Variants in SMAP1 observed in about 807,000 individuals in gnomAD.
The protein encoded by SMAP1 is small ArfGAP 1, also known as stromal membrane-associated protein 1.
A neutral mutation model predicts 58.5 loss-of-function variants in SMAP1; 24 were observed. The observed-to-expected ratio is 0.41, with a 90% CI of 0.30 to 0.58. The LOEUF is 0.58. Ranked by LOEUF, SMAP1 falls within the 20% of genes least tolerant of loss-of-function variation. SMAP1 has a pLI of 0.29. For synonymous variants in SMAP1, 216 were observed against 196.6 expected, an observed-to-expected ratio of 1.10 and a Z score of -0.82; for missense variants, 563 against 566.3, an observed-to-expected ratio of 0.99 and a Z score of 0.06.
intron 2 of SMAP1, chr6:70,734,363 C>T (rs768356030): frequency 6.5e-6 from 1 of 152,776 alleles, no homozygotes; most frequent in Admixed American, 6.5e-5. Flanking sequence ...CCAGGCTGGT[C>T]TCGAACTCCT....
rs1390518506 is a variant in SMAP1 at position 70,835,494 on chromosome 6, C to CTTTA, written c.577-1435_577-1432dup. 2.0e-4 allele frequency among the ~76,000 whole-genome samples: 30 copies of CTTTA among 151,976 alleles called. 1 individual carries two copies. Among genetic ancestry groups the CTTTA allele is most frequent in the Admixed American group, 1.9e-3 (29 of 15,250 alleles). On this transcript the variant is annotated intron_variant, in intron 6 of 10. Coordinates refer to ENST00000370455, the MANE Select transcript of SMAP1 (RefSeq NM_001044305.3). ...GGTTTGAGAAATGAATGAATGTTTTCTTTATTTATTTATTTCATTTTGTTT... is the reference window on the plus strand; with the variant it reads ...GGTTTGAGAAATGAATGAATGTTTTCTTTATTTATTTATTTATTTCATTTTGTTT...
At chr6:70,844,189 T>A (rs1233691221) in intron 7 of SMAP1, among the ~76,000 whole-genome samples, 1 of 152,222 alleles carries the variant, frequency 6.6e-6, no homozygotes. Flanking sequence ...TTCATATTTA[T>A]ATATTTCTTA....
intron 6 of SMAP1, among the ~76,000 whole-genome samples, chr6:70,803,394 T>C (rs988326361): frequency 6.6e-6 from 1 of 152,192 alleles, no homozygotes; most frequent in Non-Finnish European, 1.5e-5. Flanking sequence ...TCTCTTTTCT[T>C]CTTTATTAGT....
intron 1 of SMAP1, among the ~76,000 whole-genome samples, chr6:70,703,489 CCTGA>C (rs1767720189): frequency 6.6e-6 from 1 of 152,102 alleles, no homozygotes; most frequent in Admixed American, 6.6e-5. Flanking sequence ...TTGGAAATAG[CCTGA>C]CTTTTTCAGA....
intron 1 of SMAP1, among the ~76,000 whole-genome samples, chr6:70,729,222 G>A (rs1765314069): frequency 6.6e-6 from 1 of 151,942 alleles, no homozygotes; most frequent in African/African-American, 2.4e-5. Context: ...GGCGGATCAC[G>A]AGGTCAGGAG....
chr6:70,768,810 T>C (rs1468828396), intron 3 of SMAP1, among the ~76,000 whole-genome samples: 3 of 152,204 alleles, frequency 2.0e-5, no homozygotes, highest in Non-Finnish European at 4.4e-5. Context: ...ATGTGTTTGC[T>C]CTTGCTTTTC....
chr6:70,852,708 C>T (rs752548238), intron 8 of SMAP1, 44 bp downstream of exon 8: 1 of 1,464,386 alleles, frequency 6.8e-7, no homozygotes, highest in Non-Finnish European at 9.1e-7. Context: ...TGCTTATTTC[C>T]TTTTTGAAAA....
At chr6:70,767,487 A>C (rs1215053639) in intron 3 of SMAP1, among the ~76,000 whole-genome samples, 2 of 152,098 alleles carry the variant, frequency 1.3e-5, no homozygotes, top group Admixed American at 6.6e-5. Flanking sequence ...TTGGATTCCT[A>C]AGTATTTTAT....
chr6:70,781,804 T>C (rs962897648), intron 4 of SMAP1, among the ~76,000 whole-genome samples: 3 of 152,168 alleles, frequency 2.0e-5, no homozygotes, highest in Non-Finnish European at 2.9e-5. Flanking sequence ...CTTATTCTTG[T>C]AGGTGGGAGT....
chr6:70,833,299 T>C (rs1030015896), intron 6 of SMAP1, among the ~76,000 whole-genome samples: 2 of 152,198 alleles, frequency 1.3e-5, no homozygotes, highest in African/African-American at 4.8e-5. Context: ...TTCACTAATA[T>C]ATATGAAGAA....
At chr6:70,819,324 G>A (rs1305604660) in intron 6 of SMAP1, among the ~76,000 whole-genome samples, 11 of 116,778 alleles carry the variant, frequency 9.4e-5, no homozygotes, top group East Asian at 4.1e-4. Context: ...AATGATGTAA[G>A]GGTGAAAAAA....
chr6:70,699,881 G>T (rs957234315), intron 1 of SMAP1, among the ~76,000 whole-genome samples: 1 of 151,940 alleles, frequency 6.6e-6, no homozygotes, highest in Non-Finnish European at 1.5e-5. Flanking sequence ...GAGCCTGCTT[G>T]GTGCTCCACA....
chr6:70,677,676 T>C (rs896478923), intron 1 of SMAP1, among the ~76,000 whole-genome samples: 3 of 151,988 alleles, frequency 2.0e-5, no homozygotes, highest in Admixed American at 6.6e-5. Context: ...AATTATATTA[T>C]TGAGAGTTTA....
intron 3 of SMAP1, among the ~76,000 whole-genome samples, chr6:70,771,244 C>T (rs1055780457): frequency 6.6e-6 from 1 of 152,226 alleles, no homozygotes; most frequent in East Asian, 1.9e-4. Flanking sequence ...TCTCAGATCT[C>T]CAGCTGTGTG....
At chr6:70,781,904 T>A (rs1476291431) in intron 4 of SMAP1, among the ~76,000 whole-genome samples, 1 of 152,228 alleles carries the variant, frequency 6.6e-6, no homozygotes, top group Non-Finnish European at 1.5e-5. Flanking sequence ...ACATATCGGT[T>A]ACTTTGATGG....
At chr6:70,791,620 C>A in intron 4 of SMAP1, 69 bp from the exon 5 acceptor site, 1 of 1,312,350 alleles carries the variant, frequency 7.6e-7, no homozygotes, top group Non-Finnish European at 1.1e-6. Flanking sequence ...TTTTTCTTTC[C>A]TGTGCCTGTC....
intron 7 of SMAP1, among the ~76,000 whole-genome samples, chr6:70,843,678 A>G (rs924586347): frequency 5.3e-5 from 8 of 152,216 alleles, no homozygotes; most frequent in African/African-American, 1.2e-4. Flanking sequence ...CATCAAATCA[A>G]TAGATGGCAG....
intron 1 of SMAP1, among the ~76,000 whole-genome samples, chr6:70,675,636 GC>G (rs1766451959): frequency 6.7e-6 from 1 of 149,830 alleles, no homozygotes; most frequent in African/African-American, 2.5e-5. Context: ...GGGCAACAGA[GC>G]GAGACTCCAT....
chr6:70,688,671 T>C (rs1252435067), intron 1 of SMAP1, among the ~76,000 whole-genome samples: 1 of 152,230 alleles, frequency 6.6e-6, no homozygotes, highest in African/African-American at 2.4e-5. Flanking sequence ...AAGTGCTTTA[T>C]ATATTCTAGA....
Sources: gnomAD v4.1 joint callset for allele counts (sites outside exome capture counted in the v4.1 genomes callset) on GRCh38, gnomAD v4.1.1 for gene constraint, MANE v1.5 for transcripts, NCBI Gene and HGNC (gene_info 2026-07-23, HGNC 2026-07-21) for gene names.